Variants in SLC43A1 observed in about 807,000 individuals in gnomAD.
The protein encoded by SLC43A1 is solute carrier family 43 member 1.
Under a neutral mutation model 59.5 loss-of-function variants are expected in SLC43A1, and 31 were observed. The ratio of observed to expected loss-of-function variants is 0.52; its 90% confidence interval spans 0.39 to 0.70. The LOEUF (loss-of-function observed/expected upper bound fraction) is 0.70, where lower values mean the gene tolerates loss of function less well. Ranked by LOEUF, SLC43A1 falls within the 30% of genes least tolerant of loss-of-function variation. SLC43A1 has a pLI of 0.00. For synonymous variants in SLC43A1, 259 were observed against 290.9 expected, an observed-to-expected ratio of 0.89 and a Z score of 1.12; for missense variants, 598 against 717.8, an observed-to-expected ratio of 0.83 and a Z score of 1.91.
chr11:57,492,652 C>T (rs1943963406), intron 8 of SLC43A1, among the ~76,000 whole-genome samples: 1 of 142,808 alleles, frequency 7.0e-6, no homozygotes, highest in African/African-American at 2.6e-5. Context: ...ATCACTTGAG[C>T]CCAGGAGGTC....
chr11:57,503,322 CA>C (rs1944315996), intron 2 of SLC43A1, among the ~76,000 whole-genome samples: 1 of 112,096 alleles, frequency 8.9e-6, no homozygotes, highest in Admixed American at 1.1e-4. Context: ...TTTTTTGAGA[CA>C]GGGTCTCACT....
chr11:57,514,723 G>T lies in SLC43A1; in HGVS notation c.-13-599C>A. ...GCCAAGCCAACAGCTGCCACGTGGA[G>T]GGAGACCCAGGACGGGCTCTCCTCG... On this transcript the variant is annotated intron_variant, in intron 1 of 14. Transcript: ENST00000278426. The surrounding 1 kb of genome is among the most constrained non-coding windows in gnomAD (Gnocchi z 5.5). 1 of 674,924 alleles carries T rather than the reference G, an allele frequency of 1.5e-6. No homozygotes were observed. The highest frequency in any genetic ancestry group is 1.8e-6 in the Non-Finnish European group (1 of 545,836). The allele number at this position is 674,924 out of a possible 1,614,324, so 41.8% of individuals were successfully genotyped here.
chr11:57,505,080 G>C (rs1944362789), intron 2 of SLC43A1, among the ~76,000 whole-genome samples: 1 of 152,216 alleles, frequency 6.6e-6, no homozygotes. Flanking sequence ...CAGTGATTAA[G>C]CTGGGCTTGG....
chr11:57,509,708 G>A (rs1477167061), intron 2 of SLC43A1, among the ~76,000 whole-genome samples: 4 of 119,046 alleles, frequency 3.4e-5, no homozygotes, highest in South Asian at 5.8e-4. Context: ...GAGGGAGAGA[G>A]GGAGGGAGGG....
Position 57,485,175 on chromosome 11 carries a change from C to T in SLC43A1, c.1601G>A (p.Arg534His), listed in dbSNP as rs565600166. The change falls in exon 15 of 15, where the codon CGT (arginine) becomes CAT (histidine). Residue 534 changes from arginine to histidine, a missense_variant. Physicochemically the swap from Arg to His is conservative, Grantham distance 29. Transcript: ENST00000278426. ...FLLPSYLFYYRARLQQEYAAN... is the reference protein window; with the variant it reads ...FLLPSYLFYYHARLQQEYAAN... ...GGCGTACTCCTGCTGGAGCCGGGCACGGTAATAGAAGAGGTAGGAAGGCAA... is the reference window on the plus strand; with the variant it reads ...GGCGTACTCCTGCTGGAGCCGGGCATGGTAATAGAAGAGGTAGGAAGGCAA... 16 of 1,613,916 alleles carry T rather than the reference C, an allele frequency of 9.9e-6. No individual in the cohort carries two copies. Among genetic ancestry groups the T allele is most frequent in the African/African-American group, 4.0e-5 (3 of 74,960 alleles).
chr11:57,513,876 C>T, intron 2 of SLC43A1, 82 bp downstream of exon 2: 2 of 1,128,886 alleles, frequency 1.8e-6, no homozygotes, highest in Non-Finnish European at 1.3e-6. Flanking sequence ...TTCTGTCCAC[C>T]TGGCCACCTA....
At chr11:57,490,067 C>T (rs1287039971) in intron 11 of SLC43A1, among the ~76,000 whole-genome samples, 1 of 152,190 alleles carries the variant, frequency 6.6e-6, no homozygotes, top group Non-Finnish European at 1.5e-5. Context: ...GGAGGGAGGC[C>T]ACTGGATTTC....
intron 11 of SLC43A1, 26 bp downstream of exon 11, chr11:57,491,198 T>A (rs374987017): frequency 6.7e-7 from 1 of 1,502,684 alleles, no homozygotes; most frequent in African/African-American, 1.4e-5. Flanking sequence ...CCACTTGCTG[T>A]CACCATCCCT....
At position 57,501,346 on chromosome 11, in the gene SLC43A1, G is replaced by A. The variant is rs918198402; in HGVS notation, c.155-17C>T. The stretch of plus-strand genomic sequence containing the variant: ...TGCTCTCAGCTGAGGAGGGGGAAGG[G>A]AGGGCTCAGCACATGACACCAGGAA... On this transcript the variant is annotated splice_polypyrimidine_tract_variant and intron_variant, in intron 2 of 14. Coordinates refer to ENST00000278426, the MANE Select transcript of SLC43A1 (RefSeq NM_003627.6). 3 of 1,604,764 alleles carry A rather than the reference G, an allele frequency of 1.9e-6. No individual in the cohort carries two copies. The highest frequency in any genetic ancestry group is 2.5e-6 in the Non-Finnish European group (3 of 1,179,650).
At chr11:57,497,113 A>G (rs951060552) in intron 6 of SLC43A1, among the ~76,000 whole-genome samples, 12 of 152,220 alleles carry the variant, frequency 7.9e-5, no homozygotes, top group African/African-American at 2.7e-4. Flanking sequence ...ACACTGAGCA[A>G]AAGTACCTTC....
At chr11:57,494,879 G>C (rs1045334791) in intron 7 of SLC43A1, among the ~76,000 whole-genome samples, 1 of 146,914 alleles carries the variant, frequency 6.8e-6, no homozygotes, top group African/African-American at 2.5e-5. Flanking sequence ...CGGAGTTTTT[G>C]ATCTTGTTGC....
At chr11:57,489,999 A>G (rs940406952) in intron 11 of SLC43A1, among the ~76,000 whole-genome samples, 1 of 152,188 alleles carries the variant, frequency 6.6e-6, no homozygotes, top group Non-Finnish European at 1.5e-5. Context: ...GACCCTCACC[A>G]TTAGGAGCAG....
chr11:57,513,891 T>C, intron 2 of SLC43A1, 67 bp downstream of exon 2: 1 of 1,342,122 alleles, frequency 7.5e-7, no homozygotes, highest in Non-Finnish European at 1.0e-6. Context: ...CACCTAACCT[T>C]TTCTGGCTTC....
At chr11:57,485,267 G>C (rs376332855) in intron 14 of SLC43A1, 25 bp from the exon 15 acceptor site, 95 of 1,599,238 alleles carry the variant, frequency 5.9e-5, no homozygotes, top group Non-Finnish European at 7.7e-5. Flanking sequence ...GAGAGAAACA[G>C]AGTCAAGTAG....
intron 6 of SLC43A1, among the ~76,000 whole-genome samples, chr11:57,496,536 A>T (rs1378743562): frequency 4.6e-5 from 7 of 152,200 alleles, no homozygotes; most frequent in Non-Finnish European, 1.0e-4. Flanking sequence ...AGTACGTACA[A>T]AGGAAACTTA....
intron 2 of SLC43A1, 96 bp downstream of exon 2, chr11:57,513,862 T>A: frequency 3.1e-6 from 3 of 977,320 alleles, no homozygotes; most frequent in Non-Finnish European, 4.8e-6. Context: ...CTGCTGACCC[T>A]GCTTTCTGTC....
chr11:57,501,929 A>C (rs1944279115), intron 2 of SLC43A1, among the ~76,000 whole-genome samples: 1 of 152,250 alleles, frequency 6.6e-6, no homozygotes, highest in Admixed American at 6.5e-5. Flanking sequence ...ATACTTATTG[A>C]GCACTTAACT....
At chr11:57,492,267 TAAATATACATATATATAA>T (rs1392424384) in intron 8 of SLC43A1, among the ~76,000 whole-genome samples, 233 of 141,062 alleles carry the variant, frequency 1.7e-3, no homozygotes, top group South Asian at 8.7e-3. Context: ...TTTATATATA[TAAATATACATATATATAA>T]AAATATATAT....
chr11:57,493,588 C>G (rs1382882822), intron 8 of SLC43A1, among the ~76,000 whole-genome samples: 2 of 152,174 alleles, frequency 1.3e-5, no homozygotes. Context: ...CAGGCAGGTG[C>G]TGCAGCTCCT....
Sources: allele counts gnomAD v4.1 joint callset (sites outside exome capture counted in the v4.1 genomes callset), GRCh38; gene constraint gnomAD v4.1.1; non-coding constraint Gnocchi (gnomAD v3.1); transcripts MANE v1.5; gene names NCBI Gene and HGNC (gene_info 2026-07-23, HGNC 2026-07-21).